The following CTTNBP2 variants were observed in gnomAD, a reference collection of about 807,000 sequenced individuals.
CTTNBP2 encodes cortactin-binding protein 2.
Under a neutral mutation model 156.9 loss-of-function variants are expected in CTTNBP2, and 108 were observed. That is an observed-to-expected ratio of 0.69 (90% CI 0.59 to 0.81). CTTNBP2 has a LOEUF of 0.81. Among genes scored for constraint, CTTNBP2 ranks in the 30% least tolerant of loss-of-function variants. The probability of loss-of-function intolerance (pLI) is 0.00; values close to 1 mark genes in which losing one functional copy is unlikely to be tolerated. For missense variants in CTTNBP2, 1,924 were observed against 2,035.4 expected (o/e 0.95, Z 1.05); for synonymous variants, 767 against 751.8 (o/e 1.02, Z -0.33).
chr7:117,846,154 T>C (rs1248319448), intron 2 of CTTNBP2, among the ~76,000 whole-genome samples: 2 of 152,154 alleles, frequency 1.3e-5, no homozygotes, highest in African/African-American at 2.4e-5. Context: ...CCCGGTCCTG[T>C]TAAATATTTT....
chr7:117,745,157 G>T (rs1035051951), intron 14 of CTTNBP2, among the ~76,000 whole-genome samples: 1 of 152,082 alleles, frequency 6.6e-6, no homozygotes, highest in African/African-American at 2.4e-5. Flanking sequence ...ATCTAAGATC[G>T]AAAACTCATT....
At chr7:117,769,967 T>C (rs1271547392) in intron 8 of CTTNBP2, among the ~76,000 whole-genome samples, 1 of 152,220 alleles carries the variant, frequency 6.6e-6, no homozygotes, top group African/African-American at 2.4e-5. Flanking sequence ...AGTATCTATA[T>C]CTCATAAGGG....
intron 2 of CTTNBP2, among the ~76,000 whole-genome samples, chr7:117,860,801 G>A (rs1236154728): frequency 2.0e-5 from 3 of 152,040 alleles, no homozygotes; most frequent in African/African-American, 7.2e-5. Flanking sequence ...AATTTTTATA[G>A]GAAGAAAAAT....
At chr7:117,738,727 G>A (rs1191909156) in intron 14 of CTTNBP2, among the ~76,000 whole-genome samples, 11 of 152,162 alleles carry the variant, frequency 7.2e-5, no homozygotes, top group Non-Finnish European at 1.2e-4. Context: ...TTTGATGAGT[G>A]AAGCATTGCT....
rs769760353 is a variant in CTTNBP2, at chr7:117,777,745, G to A, written c.2544C>T (p.His848=). 2.2e-5 allele frequency: 35 copies of A among 1,608,918 alleles called. No individual in the cohort carries two copies. In the South Asian group the frequency reaches 2.2e-4, roughly 10 times the overall value. Residue 848 remains histidine (H), a synonymous_variant, in exon 8 of 23, where the codon CAC becomes CAT. Transcript: ENST00000160373. ...CCACATTACCAGTGTCCACAGCTGC[G>A]TGAACTGGTGTCCAGCCATCCTGAA... The part of the protein sequence containing the change: ...VKTTDGWTPV[H]AAVDTGNVDS...
Position 117,791,632 on chromosome 7 carries a change from G to C in CTTNBP2, c.1564C>G (p.Pro522Ala). The part of the protein sequence containing the change: ...VPPTGDVGTH[P>A]PVGRTSLKTH... ...TTTAAACTGGTCCGACCAACTGGAG[G>C]GTGGGTGCCAACATCCCCTGTTGGG... Residue 522 changes from proline (P) to alanine (A), a missense_variant, in exon 4 of 23, where the codon CCT (proline) becomes GCT (alanine). By Grantham distance (27) the Pro-to-Ala change is conservative. Coordinates refer to ENST00000160373, the MANE Select transcript of CTTNBP2 (RefSeq NM_033427.3). 1.2e-6 allele frequency: 2 copies of C among 1,614,152 alleles called. No homozygotes were observed. The highest frequency in any genetic ancestry group is 2.2e-5 in the South Asian group (2 of 91,072).
At chr7:117,749,860 A>G (rs1244387636) in intron 12 of CTTNBP2, among the ~76,000 whole-genome samples, 1 of 152,144 alleles carries the variant, frequency 6.6e-6, no homozygotes, top group Admixed American at 6.5e-5. Context: ...GAGAGATTTC[A>G]GTTCTATTTT....
intron 4 of CTTNBP2, among the ~76,000 whole-genome samples, chr7:117,785,384 T>C (rs562138231): frequency 5.3e-5 from 8 of 152,328 alleles, no homozygotes; most frequent in African/African-American, 1.9e-4. Context: ...CAATGTGACA[T>C]ATAGATATTT....
At chr7:117,735,670 C>T (rs902112467) in intron 14 of CTTNBP2, among the ~76,000 whole-genome samples, 23 of 152,226 alleles carry the variant, frequency 1.5e-4, no homozygotes, top group Middle Eastern at 3.4e-3. Context: ...ACCCAATGTC[C>T]ATCAACAATA....
At chr7:117,756,289 A>T (rs1796877804) in intron 12 of CTTNBP2, among the ~76,000 whole-genome samples, 1 of 152,282 alleles carries the variant, frequency 6.6e-6, no homozygotes, top group South Asian at 2.1e-4. Context: ...TGTTAAAGGA[A>T]GACATCCTGC....
At chr7:117,808,224 A>T (rs1800063947) in intron 3 of CTTNBP2, among the ~76,000 whole-genome samples, 1 of 151,948 alleles carries the variant, frequency 6.6e-6, no homozygotes, top group African/African-American at 2.4e-5. Flanking sequence ...AAATATACAG[A>T]TTTCCTCCCT....
chr7:117,843,736 T>C (rs1156866886), intron 2 of CTTNBP2, among the ~76,000 whole-genome samples: 1 of 152,054 alleles, frequency 6.6e-6, no homozygotes, highest in Non-Finnish European at 1.5e-5. Flanking sequence ...TCGATGACTA[T>C]GGAAAACAGA....
At chr7:117,835,824 G>A (rs1801902209) in intron 2 of CTTNBP2, among the ~76,000 whole-genome samples, 1 of 152,154 alleles carries the variant, frequency 6.6e-6, no homozygotes, top group Non-Finnish European at 1.5e-5. Context: ...CTAGATTTGA[G>A]TTTTGGCTCT....
At chr7:117,778,574 A>G (rs1798235730) in intron 7 of CTTNBP2, among the ~76,000 whole-genome samples, 1 of 152,184 alleles carries the variant, frequency 6.6e-6, no homozygotes, top group African/African-American at 2.4e-5. Flanking sequence ...CTTAAGCCTC[A>G]TCTCAGATCT....
intron 2 of CTTNBP2, among the ~76,000 whole-genome samples, chr7:117,856,035 A>G (rs1803290600): frequency 6.6e-6 from 1 of 152,194 alleles, no homozygotes; most frequent in Non-Finnish European, 1.5e-5. Context: ...GAAAGATAAT[A>G]TTGAAATCAA....
intron 8 of CTTNBP2, among the ~76,000 whole-genome samples, chr7:117,770,850 A>T (rs1403198265): frequency 6.6e-6 from 1 of 152,202 alleles, no homozygotes; most frequent in East Asian, 1.9e-4. Flanking sequence ...CTGGAAATAG[A>T]GTCCCGGGGG....
rs554148828 is a variant in CTTNBP2, at chr7:117,738,825, C to T, written c.3536-3404G>A. ...GAGATAAAATAAATGAGTTTTCAGG[C>T]ATGCTGGGGTCTCTTGGAAAGAGGC... On this transcript the variant is annotated intron_variant, in intron 14 of 22. Transcript: ENST00000160373. Among the ~76,000 whole-genome samples, 5 of 152,292 alleles carry T rather than the reference C, an allele frequency of 3.3e-5. No individual in the cohort carries two copies. The South Asian group carries it at 8.3e-4, about 25-fold the overall frequency.
Position 117,847,819 on chromosome 7 carries a change from C to CTTTTTTTTTTT in CTTNBP2, c.189+13379_189+13389dup, listed in dbSNP as rs201419286. 4.2e-4 allele frequency among the ~76,000 whole-genome samples: 38 copies of CTTTTTTTTTTT among 91,344 alleles called. 5 individuals carry two copies. Among genetic ancestry groups the CTTTTTTTTTTT allele is most frequent in the African/African-American group, 1.5e-3 (31 of 20,998 alleles). The allele number at this position is 91,344 out of a possible 152,430, so 59.9% of individuals were successfully genotyped here. On this transcript the variant is annotated intron_variant, in intron 2 of 22. Transcript: ENST00000160373. ...TTTTTATAGATCTTCTTTGCCTAAC[C>CTTTTTTTTTTT]TTTTTTTTTTTTTTTTTTTTTTTTT...
intron 12 of CTTNBP2, among the ~76,000 whole-genome samples, chr7:117,746,319 A>C (rs1299730007): frequency 6.6e-6 from 1 of 152,142 alleles, no homozygotes; most frequent in Non-Finnish European, 1.5e-5. Context: ...TTATAAAAAA[A>C]CACATTTTTT....
Sources: allele counts gnomAD v4.1 joint callset (sites outside exome capture counted in the v4.1 genomes callset), GRCh38; gene constraint gnomAD v4.1.1; transcripts MANE v1.5; gene names NCBI Gene and HGNC (gene_info 2026-07-23, HGNC 2026-07-21).